RCSD1: variants seen among roughly 807,000 people sequenced by gnomAD.
RCSD1 encodes capZ-interacting protein.
RCSD1 carries 26 observed loss-of-function variants against 42.5 expected under a neutral mutation model. The observed-to-expected ratio is 0.61, with a 90% confidence interval of 0.45 to 0.85. RCSD1 has a LOEUF of 0.85. RCSD1 is among the 40% of genes least tolerant of loss of function. The pLI, the probability that RCSD1 is intolerant of heterozygous loss-of-function variation, is 0.00. For missense variants in RCSD1, 571 were observed against 528.3 expected, an observed-to-expected ratio of 1.08 and a Z score of -0.79; for synonymous variants, 220 against 212.2, an observed-to-expected ratio of 1.04 and a Z score of -0.32.
Position 167,697,774 on chromosome 1 carries a change from C to A in RCSD1, c.1150C>A (p.Gln384Lys). ...AGTGCTCGAGCCAGGCTGCAGCCCC[C>A]AGACCGGCCCTGCCCAGCTGGAGAC... is the stretch of plus-strand genomic sequence containing the variant. Reference protein sequence around the residue: ...GAVLEPGCSPQTGPAQLETSS... With the variant: ...GAVLEPGCSPKTGPAQLETSS... The change falls in exon 6 of 7, where the codon CAG (glutamine) becomes AAG (lysine). Residue 384 changes from glutamine (Q) to lysine (K), a missense_variant. Gln to Lys is a moderately conservative substitution (Grantham distance 53, BLOSUM62 1). Transcript: ENST00000367854. 6.6e-7 allele frequency: 1 copy of A among 1,504,112 alleles called. No individual in the cohort carries two copies. The highest frequency in any genetic ancestry group is 8.9e-7 in the Non-Finnish European group (1 of 1,128,770). The allele number at this position is 1,504,112 out of a possible 1,614,324, so 93.2% of individuals were successfully genotyped here.
At chr1:167,663,539 A>T (rs1235336) in intron 1 of RCSD1, 50,074 of 152,292 alleles carry the variant, frequency 0.33, 8,697 homozygotes, top group Middle Eastern at 0.37. Flanking sequence ...CTTCTCTGAG[A>T]GAGTGTCCTC....
At chr1:167,689,982 G>T in intron 3 of RCSD1, 67 bp from the exon 4 acceptor site, 1 of 1,493,896 alleles carries the variant, frequency 6.7e-7, no homozygotes, top group Non-Finnish European at 9.3e-7. Context: ...GTGGCTTTTG[G>T]GTTCCAACCA....
intron 1 of RCSD1, among the ~76,000 whole-genome samples, chr1:167,660,031 C>A (rs906334272): frequency 1.1e-4 from 16 of 152,214 alleles, no homozygotes; most frequent in African/African-American, 3.9e-4. Flanking sequence ...CAAGTGTTTT[C>A]TCTTAAACTC....
intron 4 of RCSD1, among the ~76,000 whole-genome samples, chr1:167,693,140 C>T (rs1659415369): frequency 6.6e-6 from 1 of 152,270 alleles, no homozygotes; most frequent in Non-Finnish European, 1.5e-5. Flanking sequence ...CACCGTCTGC[C>T]CCTCACACTC....
At position 167,630,304 on chromosome 1, in the gene RCSD1, C is replaced by A; in HGVS notation, c.-120C>A. Reference sequence around the variant, plus strand: ...AGCCGGGCGCGCGCCACCGCCCACTCGCCCTGTGCCCGCCGCAGCCCGAAA... The same window carrying A: ...AGCCGGGCGCGCGCCACCGCCCACTAGCCCTGTGCCCGCCGCAGCCCGAAA... On this transcript the variant is annotated 5_prime_UTR_variant, in exon 1 of 7. Transcript: ENST00000367854. 1 of 1,158,904 alleles carries A rather than the reference C, an allele frequency of 8.6e-7. No homozygotes were observed. The highest frequency in any genetic ancestry group is 1.1e-6 in the Non-Finnish European group (1 of 908,926). The allele number at this position is 1,158,904 out of a possible 1,614,324, so 71.8% of individuals were successfully genotyped here.
At chr1:167,701,473 T>G (rs1349677017) in intron 6 of RCSD1, among the ~76,000 whole-genome samples, 1 of 151,786 alleles carries the variant, frequency 6.6e-6, no homozygotes, top group Non-Finnish European at 1.5e-5. Flanking sequence ...GCCAGGCTAT[T>G]TTTTGTATTT....
chr1:167,697,096 T>G lies in RCSD1; in HGVS notation c.475-3T>G, dbSNP rs767494022. On this transcript the variant is annotated splice_polypyrimidine_tract_variant and splice_region_variant and intron_variant, in intron 5 of 6. Coordinates refer to ENST00000367854, the MANE Select transcript of RCSD1 (RefSeq NM_052862.4). ...GATAACTTTCCTTAACACTTTCTTC[T>G]AGGTGCGGACGAGGGGCTCAATAAA... The G allele has an allele frequency of 6.2e-7, 1 of 1,606,006 alleles. No homozygotes were observed. Among genetic ancestry groups the G allele is most frequent in the Non-Finnish European group, 8.5e-7 (1 of 1,176,762 alleles).
chr1:167,645,689 C>T (rs955763736), intron 1 of RCSD1, among the ~76,000 whole-genome samples: 4 of 152,136 alleles, frequency 2.6e-5, no homozygotes, highest in African/African-American at 7.2e-5. Flanking sequence ...ATGAAGGATG[C>T]CCACGGGGAA....
At chr1:167,691,496 G>A (rs1277158182) in intron 4 of RCSD1, among the ~76,000 whole-genome samples, 1 of 152,226 alleles carries the variant, frequency 6.6e-6, no homozygotes, top group Admixed American at 6.5e-5. Context: ...TGTAGGAGAG[G>A]TTCCTGTTCT....
intron 1 of RCSD1, among the ~76,000 whole-genome samples, chr1:167,677,148 T>C (rs1658971977): frequency 6.6e-6 from 1 of 152,260 alleles, no homozygotes; most frequent in Non-Finnish European, 1.5e-5. Context: ...CTACCTTATC[T>C]ATTTCTTGCA....
chr1:167,704,559 C>A, intron 6 of RCSD1, 105 bp from the exon 7 acceptor site: 1 of 950,502 alleles, frequency 1.1e-6, no homozygotes, highest in East Asian at 2.5e-5. Flanking sequence ...ACTATTACTC[C>A]TACTGTTACT....
chr1:167,700,970 A>G (rs1659623145), intron 6 of RCSD1, among the ~76,000 whole-genome samples: 2 of 152,202 alleles, frequency 1.3e-5, no homozygotes, highest in Non-Finnish European at 2.9e-5. Flanking sequence ...GGGCTGCTTC[A>G]GGGAGGTCTC....
At chr1:167,672,845 T>C (rs1658844006) in intron 1 of RCSD1, among the ~76,000 whole-genome samples, 1 of 152,264 alleles carries the variant, frequency 6.6e-6, no homozygotes, top group African/African-American at 2.4e-5. Context: ...TTGTCCCTGT[T>C]CCACAGTAGG....
intron 1 of RCSD1, among the ~76,000 whole-genome samples, chr1:167,676,521 C>T (rs1481557177): frequency 6.6e-6 from 1 of 152,084 alleles, no homozygotes; most frequent in East Asian, 1.9e-4. Flanking sequence ...TTTGTGCTTT[C>T]CCACCCCCAC....
chr1:167,670,558 C>T (rs1033884099), intron 1 of RCSD1, among the ~76,000 whole-genome samples: 1 of 152,174 alleles, frequency 6.6e-6, no homozygotes, highest in Non-Finnish European at 1.5e-5. Context: ...GCAGCCTTTG[C>T]TCACCCTCCC....
intron 1 of RCSD1, among the ~76,000 whole-genome samples, chr1:167,631,287 T>C (rs1571661238): frequency 6.6e-6 from 1 of 152,216 alleles, no homozygotes; most frequent in Non-Finnish European, 1.5e-5. Flanking sequence ...AGACCTGATA[T>C]GTAGCCCTAA....
rs1173317729 is a variant in RCSD1, at chr1:167,697,679, C to T, written c.1055C>T (p.Pro352Leu). The change falls in exon 6 of 7, where the codon CCC becomes CTC. Residue 352 changes from proline (P) to leucine (L), a missense_variant. Transcript: ENST00000367854. Reference sequence around the variant, plus strand: ...GCAGTGAAGGAGACCCCCCACAGTCCCCCTGGAGGAGTGAAGGGCGGAGAT... The same window carrying T: ...GCAGTGAAGGAGACCCCCCACAGTCTCCCTGGAGGAGTGAAGGGCGGAGAT... ...GAAVKETPHS[P>L]PGGVKGGDVP... 5.6e-6 allele frequency: 9 copies of T among 1,604,614 alleles called. No individual in the cohort carries two copies. Among genetic ancestry groups the T allele is most frequent in the South Asian group, 5.6e-5 (5 of 89,296 alleles).
At chr1:167,655,959 C>T (rs1232427091) in intron 1 of RCSD1, among the ~76,000 whole-genome samples, 1 of 152,178 alleles carries the variant, frequency 6.6e-6, no homozygotes, top group Non-Finnish European at 1.5e-5. Flanking sequence ...ATGGGAAATC[C>T]TCTTACAAAG....
intron 3 of RCSD1, among the ~76,000 whole-genome samples, chr1:167,687,752 C>G (rs1659271332): frequency 6.6e-6 from 1 of 152,210 alleles, no homozygotes; most frequent in South Asian, 2.1e-4. Flanking sequence ...TCATCCCTGC[C>G]CCGCTATGCT....
Sources: gnomAD v4.1 joint callset for allele counts (sites outside exome capture counted in the v4.1 genomes callset) on GRCh38, gnomAD v4.1.1 for gene constraint, MANE v1.5 for transcripts, NCBI Gene and HGNC (gene_info 2026-07-23, HGNC 2026-07-21) for gene names.